Variants in TGFBI observed in about 807,000 individuals in gnomAD.
TGFBI encodes the protein transforming growth factor beta induced, also known as transforming growth factor-beta-induced protein ig-h3.
A neutral mutation model predicts 73.7 loss-of-function variants in TGFBI; 50 were observed. The observed-to-expected ratio is 0.68, with a 90% CI of 0.54 to 0.86. The LOEUF (loss-of-function observed/expected upper bound fraction) is 0.86. Among genes scored for constraint, TGFBI ranks in the 40% least tolerant of loss-of-function variants. TGFBI has a pLI of 0.00. For missense variants in TGFBI, 839 were observed against 877.0 expected (o/e 0.96, Z 0.55); for synonymous variants, 362 against 360.5 (o/e 1.00, Z -0.05).
rs370200680 is a variant in TGFBI, at chr5:136,054,875, C to A, written c.1410+14C>A. On this transcript the variant is annotated intron_variant, in intron 10 of 16. Coordinates refer to ENST00000442011, the MANE Select transcript of TGFBI (RefSeq NM_000358.3). The stretch of plus-strand genomic sequence containing the variant: ...GTTTATCGTAATGTAAGTTCTGGGT[C>A]CTAAATCATGCTCCTGGGAAGCTCC... 3.1e-6 allele frequency: 5 copies of A among 1,611,624 alleles called. No homozygotes were observed. The highest frequency in any genetic ancestry group is 4.2e-6 in the Non-Finnish European group (5 of 1,178,364).
rs1203041726 is a variant in TGFBI, at chr5:136,054,753, G to T, written c.1302G>T (p.Leu434Phe). The T allele has an allele frequency of 6.2e-7, 1 of 1,613,910 alleles. No individual in the cohort carries two copies. The change falls in exon 10 of 17, where the codon TTG (leucine) becomes TTT (phenylalanine). Residue 434 changes from leucine (L) to phenylalanine (F), a missense_variant. Leu to Phe is a conservative substitution (Grantham distance 22). Coordinates refer to ENST00000442011, the MANE Select transcript of TGFBI (RefSeq NM_000358.3). ...CAATTGATGCCCATACAAGGAATTT[G>T]CTTCGGAACCACATAATTAAAGACC... ...TPPIDAHTRNLLRNHIIKDQL... is the reference protein window; with the variant it reads ...TPPIDAHTRNFLRNHIIKDQL...
At chr5:136,062,320 A>T (rs1227417885) in intron 15 of TGFBI, among the ~76,000 whole-genome samples, 1 of 152,018 alleles carries the variant, frequency 6.6e-6, no homozygotes, top group African/African-American at 2.4e-5. Flanking sequence ...GGGTCTCCTT[A>T]GTGCCCTCGA....
chr5:136,063,483 C>T lies in TGFBI; in HGVS notation c.*257C>T. 2.1e-6 allele frequency: 1 copy of T among 478,030 alleles called. No individual in the cohort carries two copies. The highest frequency in any genetic ancestry group is 3.8e-6 in the Non-Finnish European group (1 of 264,952). The allele number at this position is 478,030 out of a possible 1,614,324, so 29.6% of individuals were successfully genotyped here. A position where few individuals can be genotyped will look rare whatever the true frequency, so the allele number is the denominator to read the frequency against. Reference sequence around the variant, plus strand: ...GATGTCACTGCCTGACATTCACTTCCAGAGAGGACCTATCCCAAATGTGGA... The same window carrying T: ...GATGTCACTGCCTGACATTCACTTCTAGAGAGGACCTATCCCAAATGTGGA... On this transcript the variant is annotated 3_prime_UTR_variant, in exon 17 of 17. Transcript: ENST00000442011.
chr5:136,053,264 T>A, intron 8 of TGFBI, 145 bp downstream of exon 8: 1 of 742,456 alleles, frequency 1.3e-6, no homozygotes, highest in Non-Finnish European at 2.2e-6. Flanking sequence ...ACTGCAAATG[T>A]GTGGGTTGTG....
At position 136,049,571 on chromosome 5, in the gene TGFBI, G is replaced by A; in HGVS notation, c.904G>A (p.Ala302Thr). The change falls in exon 7 of 17, where the codon GCC becomes ACC. Residue 302 changes from alanine to threonine, a missense_variant. Coordinates refer to ENST00000442011, the MANE Select transcript of TGFBI (RefSeq NM_000358.3). ...TLNRILGDPE[A>T]LRDLLNNHIL... ...GAACCGTATCCTGGGCGACCCAGAA[G>A]CCCTGAGAGGTGAGCATCCTTTGGC... is the stretch of plus-strand genomic sequence containing the variant. 1.2e-6 allele frequency: 2 copies of A among 1,613,560 alleles called. No homozygotes were observed. The highest frequency in any genetic ancestry group is 1.1e-5 in the South Asian group (1 of 90,880).
intron 8 of TGFBI, 141 bp from the exon 9 acceptor site, chr5:136,053,802 C>T: frequency 1.6e-6 from 2 of 1,236,116 alleles, no homozygotes; most frequent in East Asian, 2.5e-5. Flanking sequence ...GACACAAGCC[C>T]GCTGGGCCCC....
chr5:136,047,338 A>T lies in TGFBI; in HGVS notation c.689A>T (p.His230Leu). 6.2e-7 allele frequency: 1 copy of T among 1,613,788 alleles called. No individual in the cohort carries two copies. Among genetic ancestry groups the T allele is most frequent in the Non-Finnish European group, 8.5e-7 (1 of 1,179,840 alleles). Residue 230 changes from histidine to leucine, a missense_variant, in exon 6 of 17, where the codon CAC becomes CTC. Physicochemically the swap from His to Leu is moderately conservative, Grantham distance 99. Transcript: ENST00000442011. The part of the protein sequence containing the change: ...ADHHATNGVV[H>L]LIDKVISTIT... ...CACCATGCAACCAACGGGGTGGTGC[A>T]CCTCATCGATAAGGTCATCTCCACC...
Position 136,029,009 on chromosome 5 carries a change from G to A in TGFBI, c.-47G>A, listed in dbSNP as rs1438496918. 3.3e-6 allele frequency: 5 copies of A among 1,507,162 alleles called. No individual in the cohort carries two copies. The South Asian group carries it at 4.9e-5, about 15-fold the overall frequency. The allele number at this position is 1,507,162 out of a possible 1,614,324, so 93.4% of individuals were successfully genotyped here. On this transcript the variant is annotated 5_prime_UTR_variant, in exon 1 of 17. Transcript: ENST00000442011. Reference sequence around the variant, plus strand: ...CGCTCTCACTTCCCTGGAGCCGCCCGCTTGCCCGTCGGTCGCTAGCTCGCT... The same window carrying A: ...CGCTCTCACTTCCCTGGAGCCGCCCACTTGCCCGTCGGTCGCTAGCTCGCT...
rs955726107 is a variant in TGFBI, at chr5:136,046,315, T to C, written c.299-20T>C. ...TGGACCCCCAGAGGCCATCCCTCCT[T>C]CTGTCTTCTGCTCCTGCAGCCCTAC... is the stretch of plus-strand genomic sequence containing the variant. On this transcript the variant is annotated intron_variant, in intron 3 of 16. Transcript: ENST00000442011. 1.9e-6 allele frequency: 3 copies of C among 1,613,644 alleles called. No individual in the cohort carries two copies. The African/African-American group carries it at 4.0e-5, about 22-fold the overall frequency.
chr5:136,029,797 C>G (rs543228761), intron 1 of TGFBI, among the ~76,000 whole-genome samples: 1 of 152,334 alleles, frequency 6.6e-6, no homozygotes, highest in African/African-American at 2.4e-5. Context: ...TGGGCCCTCA[C>G]ACACACTGTT....
Position 136,053,937 on chromosome 5 carries a change from T to G in TGFBI, c.1127-6T>G. ...ACTTTTGAACCCACTTTCTCCTTCC[T>G]TGTAGCCAAGACACTATTTGAATTG... On this transcript the variant is annotated splice_region_variant and splice_polypyrimidine_tract_variant and intron_variant, in intron 8 of 16. Transcript: ENST00000442011. The G allele has an allele frequency of 1.2e-6, 2 of 1,613,702 alleles. No homozygotes were observed. The highest frequency in any genetic ancestry group is 2.2e-5 in the South Asian group (2 of 91,078).
At chr5:136,054,637 T>C (rs779412065) in intron 9 of TGFBI, 79 bp from the exon 10 acceptor site, 3 of 1,595,044 alleles carry the variant, frequency 1.9e-6, no homozygotes, top group Admixed American at 1.7e-5. Context: ...GATGGGCTTT[T>C]TCACTGTATT....
chr5:136,046,989 A>G lies in TGFBI; in HGVS notation c.598A>G (p.Ile200Val). The G allele has an allele frequency of 6.2e-7, 1 of 1,613,004 alleles. No homozygotes were observed. Among genetic ancestry groups the G allele is most frequent in the East Asian group, 2.2e-5 (1 of 44,798 alleles). ...TLTSMYQNSN[I>V]QIHHYPNGIV... Reference sequence around the variant, plus strand: ...CACCTCTATGTACCAGAATTCCAACATCCAGATCCACCACTATCCTAATGG... The same window carrying G: ...CACCTCTATGTACCAGAATTCCAACGTCCAGATCCACCACTATCCTAATGG... Residue 200 changes from isoleucine to valine, a missense_variant, in exon 5 of 17, where the codon ATC becomes GTC. Coordinates refer to ENST00000442011, the MANE Select transcript of TGFBI (RefSeq NM_000358.3).
intron 9 of TGFBI, 74 bp from the exon 10 acceptor site, chr5:136,054,642 T>C (rs960911193): frequency 6.3e-7 from 1 of 1,599,224 alleles, no homozygotes; most frequent in African/African-American, 1.3e-5. Context: ...GCTTTTTCAC[T>C]GTATTTATCT....
intron 7 of TGFBI, among the ~76,000 whole-genome samples, chr5:136,051,508 T>C (rs971342951): frequency 2.0e-5 from 3 of 152,174 alleles, no homozygotes; most frequent in African/African-American, 7.2e-5. Flanking sequence ...GGCCCCTACT[T>C]CGTCCCTTTT....
chr5:136,056,348 T>A, intron 11 of TGFBI: 2 of 304,686 alleles, frequency 6.6e-6, no homozygotes, highest in Non-Finnish European at 1.2e-5. Flanking sequence ...CCTCCCAGAA[T>A]CATATCCCTG....
At chr5:136,054,257 G>GGCAGT (rs2126913756) in intron 9 of TGFBI, among the ~76,000 whole-genome samples, 177 bp downstream of exon 9, 1 of 152,342 alleles carries the variant, frequency 6.6e-6, no homozygotes, top group African/African-American at 2.4e-5. Context: ...TGTTTCATTA[G>GGCAGT]GCAGTGCAGA....
intron 1 of TGFBI, among the ~76,000 whole-genome samples, chr5:136,030,366 C>A (rs1347278172): frequency 6.6e-6 from 1 of 152,188 alleles, no homozygotes; most frequent in Admixed American, 6.5e-5. Flanking sequence ...GTACAGGCTG[C>A]CCCTTGTAGG....
chr5:136,035,906 C>A (rs969620891), intron 2 of TGFBI, among the ~76,000 whole-genome samples: 1 of 152,140 alleles, frequency 6.6e-6, no homozygotes, highest in African/African-American at 2.4e-5. Context: ...AGGGTAGCAT[C>A]TGCCACACTG....
Sources: allele counts gnomAD v4.1 joint callset (sites outside exome capture counted in the v4.1 genomes callset), GRCh38; gene constraint gnomAD v4.1.1; transcripts MANE v1.5; gene names NCBI Gene and HGNC (gene_info 2026-07-23, HGNC 2026-07-21).